Variants in CAMTA1 observed in about 807,000 individuals in gnomAD.
CAMTA1 encodes the protein calmodulin binding transcription activator 1.
Under a neutral mutation model 170.9 loss-of-function variants are expected in CAMTA1, and 27 were observed. That is an observed-to-expected ratio of 0.16 (90% CI 0.12 to 0.22). The LOEUF (loss-of-function observed/expected upper bound fraction) is 0.22, where lower values mean the gene tolerates loss of function less well. Among genes scored for constraint, CAMTA1 ranks in the 10% least tolerant of loss-of-function variants. The probability of loss-of-function intolerance (pLI) is 1.00; values close to 1 mark genes in which losing one functional copy is unlikely to be tolerated. For missense variants in CAMTA1, 1,619 were observed against 2,217.2 expected, an observed-to-expected ratio of 0.73 and a Z score of 5.42; for synonymous variants, 833 against 891.5, an observed-to-expected ratio of 0.93 and a Z score of 1.17.
intron 4 of CAMTA1, among the ~76,000 whole-genome samples, chr1:7,136,615 A>AT (rs1471084072): frequency 3.3e-5 from 5 of 150,968 alleles, no homozygotes; most frequent in Admixed American, 6.6e-5. Flanking sequence ...TGTCTTATTC[A>AT]TTTTTTCTGG....
At chr1:6,809,504 C>T (rs1191600503) in intron 1 of CAMTA1, among the ~76,000 whole-genome samples, 3 of 152,004 alleles carry the variant, frequency 2.0e-5, no homozygotes, top group Non-Finnish European at 4.4e-5. Flanking sequence ...AGGTCAGCCC[C>T]CTGGGCTTGG....
intron 7 of CAMTA1, among the ~76,000 whole-genome samples, chr1:7,643,068 C>T (rs184722958): frequency 7.9e-5 from 12 of 152,060 alleles, no homozygotes; most frequent in Admixed American, 6.5e-4. Flanking sequence ...AGTACTCTTG[C>T]CTTGAAAGGG....
chr1:7,149,351 G>A (rs1198255696), intron 4 of CAMTA1, among the ~76,000 whole-genome samples: 1 of 152,202 alleles, frequency 6.6e-6, no homozygotes, highest in Non-Finnish European at 1.5e-5. Flanking sequence ...TGACCCTGCA[G>A]GTGGGCTTCG....
At chr1:7,263,379 G>T (rs192738401) in intron 5 of CAMTA1, among the ~76,000 whole-genome samples, 48 of 152,330 alleles carry the variant, frequency 3.2e-4, no homozygotes, top group Admixed American at 1.9e-3. Context: ...GGGGTAGGGA[G>T]AGCAATTGTT....
Position 7,249,916 on chromosome 1 carries a change from C to T in CAMTA1, c.438+290C>T, listed in dbSNP as rs374073118. Among the ~76,000 whole-genome samples, 55 of 152,172 alleles carry T rather than the reference C, an allele frequency of 3.6e-4. No individual in the cohort carries two copies. Among genetic ancestry groups the T allele is most frequent in the African/African-American group, 1.3e-3 (54 of 41,506 alleles). ...GTGGACTCATTTGTTGTATTTATCACGGAAGAGCCTCTGGATGCATTGAGA... is the reference window on the plus strand; with the variant it reads ...GTGGACTCATTTGTTGTATTTATCATGGAAGAGCCTCTGGATGCATTGAGA... On this transcript the variant is annotated intron_variant, in intron 5 of 22. Transcript: ENST00000303635. The surrounding 1 kb of genome is among the most constrained non-coding windows in gnomAD (Gnocchi z 4.4).
intron 6 of CAMTA1, among the ~76,000 whole-genome samples, chr1:7,541,833 T>C (rs1016368168): frequency 3.3e-5 from 5 of 152,066 alleles, no homozygotes; most frequent in African/African-American, 1.2e-4. Context: ...GAGAGGTGCA[T>C]GGAAGGGCTC....
At chr1:7,422,419 G>A (rs901569257) in intron 5 of CAMTA1, among the ~76,000 whole-genome samples, 4 of 152,174 alleles carry the variant, frequency 2.6e-5, no homozygotes, top group Middle Eastern at 3.4e-3. Flanking sequence ...ACGGACAGGC[G>A]AGAGGACATA....
chr1:7,611,683 C>T (rs1025907498), intron 6 of CAMTA1, among the ~76,000 whole-genome samples: 2 of 152,260 alleles, frequency 1.3e-5, no homozygotes, highest in African/African-American at 4.8e-5. Flanking sequence ...CTATCAGACC[C>T]TTACTGTACC....
At chr1:7,336,406 A>G (rs1411917008) in intron 5 of CAMTA1, among the ~76,000 whole-genome samples, 1 of 152,256 alleles carries the variant, frequency 6.6e-6, no homozygotes, top group African/African-American at 2.4e-5. Context: ...AACCCAGACC[A>G]GGCGAATTGA....
chr1:7,386,109 C>T (rs868736586), intron 5 of CAMTA1, among the ~76,000 whole-genome samples: 9 of 152,320 alleles, frequency 5.9e-5, no homozygotes, highest in African/African-American at 1.9e-4. Context: ...CAGGCAGAGA[C>T]ACATGCGCAC....
chr1:7,332,113 G>A (rs1051372804), intron 5 of CAMTA1, among the ~76,000 whole-genome samples: 1 of 152,238 alleles, frequency 6.6e-6, no homozygotes, highest in Admixed American at 6.5e-5. Context: ...AATGCAGCAA[G>A]AGTGCACCAG....
At chr1:6,962,720 C>A (rs1690692724) in intron 3 of CAMTA1, among the ~76,000 whole-genome samples, 1 of 149,926 alleles carries the variant, frequency 6.7e-6, no homozygotes, top group African/African-American at 2.5e-5. Flanking sequence ...CCTGCCCCTG[C>A]CCCATGGCTG....
intron 3 of CAMTA1, among the ~76,000 whole-genome samples, chr1:6,939,528 C>T (rs1331443148): frequency 2.6e-5 from 4 of 152,250 alleles, no homozygotes; most frequent in Non-Finnish European, 5.9e-5. Context: ...CAACTCCATG[C>T]ACAGCAAAGT....
intron 4 of CAMTA1, among the ~76,000 whole-genome samples, chr1:7,227,401 C>T (rs1661903786): frequency 6.6e-6 from 1 of 152,118 alleles, no homozygotes; most frequent in Non-Finnish European, 1.5e-5. Flanking sequence ...GATCTTGGCT[C>T]ACCGCAACCT....
At chr1:7,703,580 T>G (rs2096466081) in intron 11 of CAMTA1, among the ~76,000 whole-genome samples, 1 of 152,174 alleles carries the variant, frequency 6.6e-6, no homozygotes, top group Admixed American at 6.5e-5. Flanking sequence ...TGTTTCTGTG[T>G]GCGTTTGGGT....
rs532496032 is a variant in CAMTA1 at position 7,132,002 on chromosome 1, G to A, written c.302+40631G>A. On this transcript the variant is annotated intron_variant, in intron 4 of 22. Coordinates refer to ENST00000303635, the MANE Select transcript of CAMTA1 (RefSeq NM_015215.4). Reference sequence around the variant, plus strand: ...CCTGGGAGGGAGGTTGCAGTGAGCCGAGATCGAACCACTGTACTCCAGCCT... The same window carrying A: ...CCTGGGAGGGAGGTTGCAGTGAGCCAAGATCGAACCACTGTACTCCAGCCT... Among the ~76,000 whole-genome samples, 9 of 152,022 alleles carry A rather than the reference G, an allele frequency of 5.9e-5. No individual in the cohort carries two copies. The East Asian group carries it at 1.2e-3, about 20-fold the overall frequency.
At chr1:6,838,908 C>G (rs975719736) in intron 3 of CAMTA1, among the ~76,000 whole-genome samples, 67 of 152,228 alleles carry the variant, frequency 4.4e-4, no homozygotes, top group African/African-American at 1.6e-3. Context: ...AGGCATGGGA[C>G]ACCATGCCTG....
At chr1:7,046,592 A>G (rs1287874925) in intron 3 of CAMTA1, among the ~76,000 whole-genome samples, 3 of 152,192 alleles carry the variant, frequency 2.0e-5, no homozygotes, top group Non-Finnish European at 4.4e-5. Flanking sequence ...TCTGCTGGCC[A>G]GGTGAACAAG....
In CAMTA1 at chr1:7,743,025, T is replaced by A. The variant is rs1306282255; in HGVS notation, c.4183-1810T>A. On this transcript the variant is annotated intron_variant, in intron 16 of 22. Transcript: ENST00000303635. ...CACCATATCTGGCTAATTTTGGGGG[T>A]TTTTTTGGGTAGAGACAGGGTTTCG... 3.9e-5 allele frequency among the ~76,000 whole-genome samples: 6 copies of A among 151,944 alleles called. No individual in the cohort carries two copies. The East Asian group carries it at 9.7e-4, about 24-fold the overall frequency.
Sources: gnomAD v4.1 joint callset for allele counts (sites outside exome capture counted in the v4.1 genomes callset) on GRCh38, gnomAD v4.1.1 for gene constraint, Gnocchi (gnomAD v3.1) non-coding constraint, MANE v1.5 for transcripts, NCBI Gene and HGNC (gene_info 2026-07-23, HGNC 2026-07-21) for gene names.